Variants in PLCB1 observed in about 807,000 individuals in gnomAD.
PLCB1 encodes the protein 1-phosphatidylinositol 4,5-bisphosphate phosphodiesterase beta-1.
Under a neutral mutation model 161.8 loss-of-function variants are expected in PLCB1, and 46 were observed. The ratio of observed to expected loss-of-function variants is 0.28; its 90% CI spans 0.22 to 0.36. The LOEUF is 0.36. PLCB1 is among the 10% of genes least tolerant of loss of function. The probability of loss-of-function intolerance (pLI) is 1.00; values close to 1 mark genes in which losing one functional copy is unlikely to be tolerated. For synonymous variants in PLCB1, 517 were observed against 503.7 expected (o/e 1.03, Z -0.35); for missense variants, 1,016 against 1,472.5 (o/e 0.69, Z 5.07).
At chr20:8,356,232 C>T (rs1378762239) in intron 2 of PLCB1, among the ~76,000 whole-genome samples, 1 of 151,840 alleles carries the variant, frequency 6.6e-6, no homozygotes, top group East Asian at 1.9e-4. Context: ...AAGAAGAAAC[C>T]CTGGTATATC....
At chr20:8,697,813 C>T (rs566126687) in intron 11 of PLCB1, 30 bp downstream of exon 11, 1 of 1,601,112 alleles carries the variant, frequency 6.2e-7, no homozygotes, top group Admixed American at 1.7e-5. Flanking sequence ...CTAAGAGAGG[C>T]AGCTGGAGAC....
chr20:8,173,533 AAAGG>A (rs2051753301), intron 2 of PLCB1, among the ~76,000 whole-genome samples: 1 of 152,224 alleles, frequency 6.6e-6, no homozygotes, highest in South Asian at 2.1e-4. Flanking sequence ...CTACCTGCTA[AAAGG>A]AAAGATTTGA....
chr20:8,401,559 A>G (rs1978552613), intron 3 of PLCB1, among the ~76,000 whole-genome samples: 1 of 152,156 alleles, frequency 6.6e-6, no homozygotes, highest in Non-Finnish European at 1.5e-5. Context: ...ATAACAAACA[A>G]CTCCCAAATG....
At chr20:8,315,302 A>T (rs1187809505) in intron 2 of PLCB1, among the ~76,000 whole-genome samples, 1 of 152,220 alleles carries the variant, frequency 6.6e-6, no homozygotes, top group Non-Finnish European at 1.5e-5. Flanking sequence ...AAAGTGACAA[A>T]GGGCACCTGC....
chr20:8,151,725 A>G (rs754864521), intron 2 of PLCB1, among the ~76,000 whole-genome samples: 1 of 152,128 alleles, frequency 6.6e-6, no homozygotes, highest in Non-Finnish European at 1.5e-5. Context: ...TTGAAACTAT[A>G]TTCATGAACG....
At chr20:8,626,439 AACCAATC>A in intron 3 of PLCB1, among the ~76,000 whole-genome samples, 2 of 152,254 alleles carry the variant, frequency 1.3e-5, no homozygotes, top group East Asian at 3.9e-4. Context: ...GGCGATCTTT[AACCAATC>A]ATCTGTTTAT....
intron 9 of PLCB1, among the ~76,000 whole-genome samples, chr20:8,659,860 C>T (rs948658526): frequency 4.6e-5 from 7 of 151,792 alleles, no homozygotes; most frequent in Admixed American, 1.3e-4. Flanking sequence ...GGCATGATGG[C>T]GCATGCCTGT....
intron 2 of PLCB1, among the ~76,000 whole-genome samples, chr20:8,275,430 AC>A (rs1340945068): frequency 1.3e-5 from 2 of 152,172 alleles, no homozygotes; most frequent in Non-Finnish European, 2.9e-5. Context: ...TAGGGAAACT[AC>A]CAGGACACCC....
chr20:8,796,036 C>T (rs1984011959), intron 31 of PLCB1, among the ~76,000 whole-genome samples: 1 of 152,148 alleles, frequency 6.6e-6, no homozygotes, highest in South Asian at 2.1e-4. Context: ...ATCTCCATAA[C>T]CTCATAAAAC....
intron 12 of PLCB1, chr20:8,715,852 C>A (rs1003851030): frequency 5.3e-5 from 9 of 170,122 alleles, no homozygotes; most frequent in African/African-American, 2.1e-4. Flanking sequence ...CACTCCTTTG[C>A]AGCAGTGGTT....
intron 2 of PLCB1, among the ~76,000 whole-genome samples, chr20:8,340,484 G>A (rs1356945592): frequency 3.3e-5 from 5 of 151,904 alleles, no homozygotes; most frequent in Non-Finnish European, 4.4e-5. Flanking sequence ...GTGCAGTGGC[G>A]CGATCTCGGC....
intron 2 of PLCB1, among the ~76,000 whole-genome samples, chr20:8,259,902 G>C (rs947664812): frequency 6.6e-6 from 1 of 152,024 alleles, no homozygotes; most frequent in African/African-American, 2.4e-5. Context: ...TCCTGAAGTT[G>C]AATCTAGTAA....
chr20:8,319,773 A>G (rs986178157), intron 2 of PLCB1, among the ~76,000 whole-genome samples: 2 of 150,236 alleles, frequency 1.3e-5, no homozygotes, highest in African/African-American at 4.9e-5. Flanking sequence ...CTCCTTATTT[A>G]CCACCAAGAC....
rs1986148082 is a variant in PLCB1, at chr20:8,561,766, A to T, written c.247-66528A>T. On this transcript the variant is annotated intron_variant, in intron 3 of 31. Coordinates refer to ENST00000338037, the MANE Select transcript of PLCB1 (RefSeq NM_015192.4). ...TAAGTCTTCTTTATACCCTAACCTA[A>T]TTGACATAAGGATTACCGATGTAAT... Among the ~76,000 whole-genome samples the T allele has an allele frequency of 4.6e-5, 7 of 152,148 alleles. No homozygotes were observed. The South Asian group carries it at 1.4e-3, about 31-fold the overall frequency.
chr20:8,561,022 A>C (rs1466511257), intron 3 of PLCB1, among the ~76,000 whole-genome samples: 1 of 151,958 alleles, frequency 6.6e-6, no homozygotes, highest in East Asian at 1.9e-4. Context: ...AAGGAGAAAA[A>C]GTGGTGATAA....
intron 3 of PLCB1, among the ~76,000 whole-genome samples, chr20:8,451,858 CT>C (rs1190363934): frequency 6.6e-6 from 1 of 151,312 alleles, no homozygotes; most frequent in African/African-American, 2.4e-5. Context: ...TCTCCCTCTT[CT>C]TCTTTCTTCC....
chr20:8,881,712 A>C lies in PLCB1; in HGVS notation c.3514A>C (p.Lys1172Gln). Reference protein sequence around the residue: ...LEFVQEAMKGKISEDSNHGSA... With the variant: ...LEFVQEAMKGQISEDSNHGSA... ...ATTCGTGCAGGAAGCCATGAAAGGA[A>C]AGATCAGTGAAGACAGCAATCACGG... The change falls in exon 32 of 32, where the codon AAG becomes CAG. Residue 1172 changes from lysine (K) to glutamine (Q), a missense_variant. Transcript: ENST00000338037. 1 of 1,614,036 alleles carries C rather than the reference A, an allele frequency of 6.2e-7. No homozygotes were observed. The highest frequency in any genetic ancestry group is 8.5e-7 in the Non-Finnish European group (1 of 1,179,964).
At chr20:8,314,176 A>C (rs1984531956) in intron 2 of PLCB1, among the ~76,000 whole-genome samples, 1 of 152,122 alleles carries the variant, frequency 6.6e-6, no homozygotes, top group Admixed American at 6.5e-5. Context: ...TGTCTTGGAG[A>C]ATTATATAAA....
At chr20:8,868,331 T>C (rs1320357417) in intron 31 of PLCB1, among the ~76,000 whole-genome samples, 1 of 152,138 alleles carries the variant, frequency 6.6e-6, no homozygotes, top group Non-Finnish European at 1.5e-5. Flanking sequence ...AGGGTCCTCG[T>C]TGTTTTCCAT....
Sources: allele counts gnomAD v4.1 joint callset (sites outside exome capture counted in the v4.1 genomes callset), GRCh38; gene constraint gnomAD v4.1.1; transcripts MANE v1.5; gene names NCBI Gene and HGNC (gene_info 2026-07-23, HGNC 2026-07-21).